Variants in OPCML observed in about 807,000 individuals in gnomAD.
The protein encoded by OPCML is opioid binding protein/cell adhesion molecule like, also known as opioid-binding protein/cell adhesion molecule.
A neutral mutation model predicts 37.8 loss-of-function variants in OPCML; 13 were observed. The ratio of observed to expected loss-of-function variants is 0.34; its 90% CI spans 0.22 to 0.55. The LOEUF is 0.55. OPCML is among the 20% of genes least tolerant of loss of function. The probability of loss-of-function intolerance (pLI) is 0.91; values close to 1 mark genes in which losing one functional copy is unlikely to be tolerated. For synonymous variants in OPCML, 176 were observed against 168.8 expected, an observed-to-expected ratio of 1.04 and a Z score of -0.33; for missense variants, 341 against 435.6, an observed-to-expected ratio of 0.78 and a Z score of 1.93.
At chr11:132,659,386 A>G (rs1941853886) in intron 2 of OPCML, among the ~76,000 whole-genome samples, 2 of 152,184 alleles carry the variant, frequency 1.3e-5, no homozygotes, top group Non-Finnish European at 2.9e-5. Flanking sequence ...TAAAGGAGAA[A>G]TCCCTGTTTG....
chr11:133,504,901 A>C (rs1947993989), intron 1 of OPCML, among the ~76,000 whole-genome samples: 1 of 152,274 alleles, frequency 6.6e-6, no homozygotes, highest in South Asian at 2.1e-4. Flanking sequence ...AGTGGGAATT[A>C]GTCCAAACCA....
rs371216331 is a variant in OPCML, at chr11:133,030,297, A to C, written c.62-87287T>G. On this transcript the variant is annotated intron_variant, in intron 1 of 7. Coordinates refer to ENST00000524381, the MANE Select transcript of OPCML (RefSeq NM_001012393.5). ...ACACAATTATACGCAAAGGCTTACA[A>C]TGTGGGTAACAATGTATGCCTCACG... Among the ~76,000 whole-genome samples, 4 of 152,340 alleles carry C rather than the reference A, an allele frequency of 2.6e-5. No homozygotes were observed. In the East Asian group the frequency reaches 5.8e-4, roughly 22 times the overall value.
intron 1 of OPCML, among the ~76,000 whole-genome samples, chr11:133,440,782 CTGTGTGTG>C (rs58071870): frequency 7.7e-6 from 1 of 129,592 alleles, no homozygotes; most frequent in Admixed American, 7.5e-5. Flanking sequence ...ATATATATAT[CTGTGTGTG>C]TGTGTGTGTG....
intron 1 of OPCML, among the ~76,000 whole-genome samples, chr11:133,142,992 G>A (rs1017166294): frequency 3.9e-5 from 6 of 152,266 alleles, no homozygotes; most frequent in Middle Eastern, 3.4e-3. Flanking sequence ...CTTAGATGTG[G>A]TTGGATACCT....
intron 2 of OPCML, among the ~76,000 whole-genome samples, chr11:132,810,335 G>A (rs1186603294): frequency 1.3e-5 from 2 of 152,192 alleles, no homozygotes; most frequent in Non-Finnish European, 2.9e-5. Context: ...CCTTGCCTAG[G>A]TGGATACAGG....
At chr11:132,941,409 T>C (rs1255332514) in intron 2 of OPCML, among the ~76,000 whole-genome samples, 1 of 152,066 alleles carries the variant, frequency 6.6e-6, no homozygotes. Context: ...GGTAAAGAGG[T>C]GTGTGGCAGC....
intron 2 of OPCML, among the ~76,000 whole-genome samples, chr11:132,929,960 TA>T (rs1346101021): frequency 6.6e-6 from 1 of 152,178 alleles, no homozygotes; most frequent in Non-Finnish European, 1.5e-5. Flanking sequence ...CTCAACATAC[TA>T]AATGAGAAAA....
At chr11:133,118,961 T>C (rs1949380014) in intron 1 of OPCML, among the ~76,000 whole-genome samples, 1 of 152,220 alleles carries the variant, frequency 6.6e-6, no homozygotes, top group Non-Finnish European at 1.5e-5. Flanking sequence ...ATTAGCAATG[T>C]TAGTCCCGAA....
intron 3 of OPCML, among the ~76,000 whole-genome samples, chr11:132,611,160 G>A (rs945422927): frequency 1.3e-5 from 2 of 152,166 alleles, no homozygotes; most frequent in Non-Finnish European, 2.9e-5. Context: ...AGTTTTTAAC[G>A]GGGGTGGTTG....
intron 1 of OPCML, among the ~76,000 whole-genome samples, chr11:133,103,853 A>T (rs1247171128): frequency 6.6e-6 from 1 of 152,206 alleles, no homozygotes; most frequent in Non-Finnish European, 1.5e-5. Flanking sequence ...GATAATTTTT[A>T]AATTCCTTTC....
chr11:133,331,995 T>C lies in OPCML; in HGVS notation c.61+200269A>G, dbSNP rs1943629585. 2.0e-5 allele frequency among the ~76,000 whole-genome samples: 3 copies of C among 152,252 alleles called. No individual in the cohort carries two copies. The South Asian group carries it at 6.2e-4, about 32-fold the overall frequency. ...AGTGTCATTCGTAGTTTGATAGGAGTAGCATAGAATCTGTAAATTGCTTTG... is the reference window on the plus strand; with the variant it reads ...AGTGTCATTCGTAGTTTGATAGGAGCAGCATAGAATCTGTAAATTGCTTTG... On this transcript the variant is annotated intron_variant, in intron 1 of 7. Transcript: ENST00000524381.
chr11:133,025,981 C>T (rs1209506719), intron 1 of OPCML: 1 of 784,194 alleles, frequency 1.3e-6, no homozygotes, highest in East Asian at 1.3e-4. Context: ...GTGATCCACC[C>T]ACCTTGGCCA....
rs1000558828 is a variant in OPCML, at chr11:133,004,373, C to A, written c.62-61363G>T. On this transcript the variant is annotated intron_variant, in intron 1 of 7. Coordinates refer to ENST00000524381, the MANE Select transcript of OPCML (RefSeq NM_001012393.5). ...TGTTGATGTTTTATTAATGGTTCTGCTCTCTCTTCAGAGGAAGTTGGAATC... is the reference window on the plus strand; with the variant it reads ...TGTTGATGTTTTATTAATGGTTCTGATCTCTCTTCAGAGGAAGTTGGAATC... The A allele has an allele frequency of 1.0e-5, 10 of 985,350 alleles. No homozygotes were observed. The Admixed American group carries it at 6.1e-4, about 61-fold the overall frequency. 61.0% of individuals were successfully genotyped at this position (985,350 alleles called of 1,614,324 possible). A position where few individuals can be genotyped will look rare whatever the true frequency, so the allele number is the denominator to read the frequency against.
At chr11:133,059,273 A>G (rs1424336143) in intron 1 of OPCML, among the ~76,000 whole-genome samples, 1 of 152,248 alleles carries the variant, frequency 6.6e-6, no homozygotes, top group East Asian at 1.9e-4. Context: ...TTTGTACTCA[A>G]AGGATCTGCG....
chr11:133,137,500 G>A (rs1219277286), intron 1 of OPCML, among the ~76,000 whole-genome samples: 2 of 152,204 alleles, frequency 1.3e-5, no homozygotes, highest in African/African-American at 4.8e-5. Context: ...GGAATGTCAA[G>A]GAGTTCCAGA....
chr11:133,523,495 C>T (rs1449137391), intron 1 of OPCML, among the ~76,000 whole-genome samples: 1 of 152,210 alleles, frequency 6.6e-6, no homozygotes, highest in East Asian at 1.9e-4. Context: ...CCTGCCTGAA[C>T]TACTACAGTA....
chr11:132,546,465 T>C (rs2096368884), intron 3 of OPCML, among the ~76,000 whole-genome samples: 1 of 152,168 alleles, frequency 6.6e-6, no homozygotes, highest in Non-Finnish European at 1.5e-5. Context: ...CCAAAGTCCA[T>C]TGTATCATTC....
intron 1 of OPCML, among the ~76,000 whole-genome samples, chr11:133,095,122 A>C (rs529326615): frequency 2.0e-5 from 3 of 152,092 alleles, no homozygotes; most frequent in Admixed American, 6.6e-5. Context: ...TTAATCATGT[A>C]GCTGTTCTAT....
chr11:132,987,446 GA>G (rs1367737736), intron 1 of OPCML, among the ~76,000 whole-genome samples: 1 of 152,158 alleles, frequency 6.6e-6, no homozygotes, highest in African/African-American at 2.4e-5. Flanking sequence ...GAGACAGTGG[GA>G]CCAGACAGAA....
Sources: gnomAD v4.1 joint callset for allele counts (sites outside exome capture counted in the v4.1 genomes callset) on GRCh38, gnomAD v4.1.1 for gene constraint, MANE v1.5 for transcripts, NCBI Gene and HGNC (gene_info 2026-07-23, HGNC 2026-07-21) for gene names.